UHRF1: variants seen among roughly 807,000 people sequenced by gnomAD.
The protein encoded by UHRF1 is E3 ubiquitin-protein ligase UHRF1.
Under a neutral mutation model 96.5 loss-of-function variants are expected in UHRF1, and 9 were observed. That is an observed-to-expected ratio of 0.09 (90% CI 0.06 to 0.16). The LOEUF (loss-of-function observed/expected upper bound fraction) is 0.16. Among genes scored for constraint, UHRF1 ranks in the 10% least tolerant of loss-of-function variants. The pLI is 1.00. For synonymous variants in UHRF1, 455 were observed against 469.9 expected, an observed-to-expected ratio of 0.97 and a Z score of 0.41; for missense variants, 626 against 1,131.1, an observed-to-expected ratio of 0.55 and a Z score of 6.40.
intron 5 of UHRF1, among the ~76,000 whole-genome samples, chr19:4,940,334 C>A (rs918355868): frequency 4.1e-5 from 6 of 145,988 alleles, no homozygotes; most frequent in African/African-American, 1.5e-4. Flanking sequence ...TGATGTAGGC[C>A]ATTGGATCAA....
In UHRF1 at chr19:4,930,662, C is replaced by A; in HGVS notation, c.409-54C>A. 1 of 1,582,096 alleles carries A rather than the reference C, an allele frequency of 6.3e-7. No individual in the cohort carries two copies. The highest frequency in any genetic ancestry group is 1.1e-5 in the South Asian group (1 of 87,834). On this transcript the variant is annotated intron_variant, in intron 3 of 16. Transcript: ENST00000650932. The surrounding 1 kb of genome is among the most constrained non-coding windows in gnomAD (Gnocchi z 4.4). ...CAGTGTCCGAGAACCAAGGTGGTCT[C>A]CCGTCAGTTTTCCTCACCCCGTTGG...
intron 5 of UHRF1, among the ~76,000 whole-genome samples, 200 bp from the exon 6 acceptor site, chr19:4,941,328 C>G (rs2033392383): frequency 6.6e-6 from 1 of 151,914 alleles, no homozygotes; most frequent in Non-Finnish European, 1.5e-5. Flanking sequence ...TGACCTCGGC[C>G]TCCCAGTGTT....
rs1337479961 is a variant in UHRF1 at position 4,954,311 on chromosome 19, C to T, written c.1819-39C>T. 1 of 1,603,126 alleles carries T rather than the reference C, an allele frequency of 6.2e-7. No individual in the cohort carries two copies. Among genetic ancestry groups the T allele is most frequent in the South Asian group, 1.1e-5 (1 of 89,536 alleles). ...AGCGGGCTCTGCATAGCGTGTGGGC[C>T]CCAAGCCTGACTCACGGCTGTCCCT... is the stretch of plus-strand genomic sequence containing the variant. On this transcript the variant is annotated intron_variant, in intron 13 of 16. Transcript: ENST00000650932. The surrounding 1 kb of genome is among the most constrained non-coding windows in gnomAD (Gnocchi z 5.9).
chr19:4,956,131 G>A (rs773286732), intron 15 of UHRF1, among the ~76,000 whole-genome samples: 1 of 151,990 alleles, frequency 6.6e-6, no homozygotes, highest in Non-Finnish European at 1.5e-5. Flanking sequence ...GGATTTCACC[G>A]TGTTGGTCAG....
At chr19:4,925,257 G>A (rs780140356) in intron 2 of UHRF1, among the ~76,000 whole-genome samples, 4 of 152,134 alleles carry the variant, frequency 2.6e-5, no homozygotes, top group Admixed American at 6.6e-5. Context: ...CACCTTGAAA[G>A]GAAACCCTGA....
At chr19:4,919,559 C>G (rs765145869) in intron 2 of UHRF1, among the ~76,000 whole-genome samples, 10 of 152,246 alleles carry the variant, frequency 6.6e-5, no homozygotes, top group Non-Finnish European at 1.2e-4. Flanking sequence ...GCCTCCGCCT[C>G]CCAAAGTGCT....
chr19:4,923,723 A>G (rs12462047), intron 2 of UHRF1, among the ~76,000 whole-genome samples: 38,766 of 152,120 alleles, frequency 0.25, 5,282 homozygotes, highest in African/African-American at 0.29. Flanking sequence ...GTCTGGGGAC[A>G]TTCATGACTC....
chr19:4,958,468 G>A (rs1309042850), intron 16 of UHRF1, among the ~76,000 whole-genome samples: 1 of 152,224 alleles, frequency 6.6e-6, no homozygotes, highest in Non-Finnish European at 1.5e-5. Flanking sequence ...GGAGCCCCGT[G>A]GCGGTAGGAA....
Position 4,941,914 on chromosome 19 carries a change from T to C in UHRF1, c.1056T>C (p.Val352=), listed in dbSNP as rs2033416316. 6.6e-7 allele frequency: 1 copy of C among 1,519,086 alleles called. No individual in the cohort carries two copies. The highest frequency in any genetic ancestry group is 2.3e-5 in the East Asian group (1 of 42,942). The allele number at this position is 1,519,086 out of a possible 1,614,324, so 94.1% of individuals were successfully genotyped here. A position where few individuals can be genotyped will look rare whatever the true frequency, so the allele number is the denominator to read the frequency against. ...IYCLDPPLSS[V]PSEDEWYCPE... ...GCCTGGACCCGCCCCTCAGCAGTGT[T>C]CCCAGCGAGGACGAGTGGTGAGTGC... Residue 352 remains valine, a synonymous_variant, in exon 7 of 17, where the codon GTT becomes GTC. Coordinates refer to ENST00000650932, the MANE Select transcript of UHRF1 (RefSeq NM_001048201.3).
Position 4,929,494 on chromosome 19 carries a change from A to G in UHRF1, c.408+18A>G, listed in dbSNP as rs2032982522. 2 of 1,603,076 alleles carry G rather than the reference A, an allele frequency of 1.2e-6. No homozygotes were observed. Among genetic ancestry groups the G allele is most frequent in the African/African-American group, 2.7e-5 (2 of 74,636 alleles). On this transcript the variant is annotated intron_variant, in intron 3 of 16. Coordinates refer to ENST00000650932, the MANE Select transcript of UHRF1 (RefSeq NM_001048201.3). ...TGTACAAGGTGAGCCTCCCCTCCGC[A>G]GCTGCTCTGGGGTTGGACGTTCTCC...
At chr19:4,925,743 A>C (rs1000945220) in intron 2 of UHRF1, among the ~76,000 whole-genome samples, 1 of 152,054 alleles carries the variant, frequency 6.6e-6, no homozygotes, top group Non-Finnish European at 1.5e-5. Context: ...GGTGGTCTCA[A>C]ACTCCTGACT....
intron 13 of UHRF1, among the ~76,000 whole-genome samples, chr19:4,952,672 G>T (rs1220528278): frequency 1.3e-5 from 2 of 151,520 alleles, no homozygotes; most frequent in Admixed American, 6.6e-5. Flanking sequence ...GTGAGCCGCT[G>T]ACCCTGGCCA....
At chr19:4,926,572 A>G (rs954261694) in intron 2 of UHRF1, among the ~76,000 whole-genome samples, 1 of 152,062 alleles carries the variant, frequency 6.6e-6, no homozygotes, top group Non-Finnish European at 1.5e-5. Flanking sequence ...CCGGAGTTCA[A>G]AACCAGCTTG....
At chr19:4,913,334 A>G (rs1386352506) in intron 2 of UHRF1, among the ~76,000 whole-genome samples, 3 of 145,406 alleles carry the variant, frequency 2.1e-5, no homozygotes, top group African/African-American at 5.2e-5. Flanking sequence ...GCTCACTGCA[A>G]CCTTCATCTC....
intron 13 of UHRF1, among the ~76,000 whole-genome samples, chr19:4,953,449 C>T (rs546100116): frequency 6.6e-6 from 1 of 152,134 alleles, no homozygotes; most frequent in Non-Finnish European, 1.5e-5. Flanking sequence ...AGCATCCCTA[C>T]TCTTGCACTT....
At chr19:4,907,548 G>A (rs947719655), upstream of UHRF1, among the ~76,000 whole-genome samples, 3 of 151,904 alleles carry the variant, frequency 2.0e-5, no homozygotes, top group African/African-American at 7.3e-5. Context: ...GGGATTACAC[G>A]TGTGAGCCAC....
At chr19:4,949,937 G>A (rs1213331263) in intron 11 of UHRF1, among the ~76,000 whole-genome samples, 1 of 151,524 alleles carries the variant, frequency 6.6e-6, no homozygotes, top group East Asian at 1.9e-4. Flanking sequence ...CAGTGTGATC[G>A]TAGCTCATTG....
At chr19:4,923,965 CACTTG>C (rs1391909490) in intron 2 of UHRF1, among the ~76,000 whole-genome samples, 1 of 151,334 alleles carries the variant, frequency 6.6e-6, no homozygotes, top group East Asian at 1.9e-4. Flanking sequence ...ATATTGGGGG[CACTTG>C]ACTTCTCTCT....
chr19:4,927,765 G>T (rs262569), intron 2 of UHRF1, among the ~76,000 whole-genome samples: 82,634 of 151,934 alleles, frequency 0.54, 23,503 homozygotes, highest in African/African-American at 0.66. Context: ...ACGGCCCCAC[G>T]GTCCAGTGCC....
Sources: allele counts gnomAD v4.1 joint callset (sites outside exome capture counted in the v4.1 genomes callset), GRCh38; gene constraint gnomAD v4.1.1; non-coding constraint Gnocchi (gnomAD v3.1); transcripts MANE v1.5; gene names NCBI Gene and HGNC (gene_info 2026-07-23, HGNC 2026-07-21).